The following ACAP2 variants were observed in gnomAD, a reference collection of about 807,000 sequenced individuals.
The protein encoded by ACAP2 is ArfGAP with coiled-coil, ankyrin repeat and PH domains 2, also known as arf-GAP with coiled-coil, ANK repeat and PH domain-containing protein 2.
Under a neutral mutation model 115.8 loss-of-function variants are expected in ACAP2, and 39 were observed. The observed-to-expected ratio is 0.34, with a 90% CI of 0.26 to 0.44. The LOEUF is 0.44. Among genes scored for constraint, ACAP2 ranks in the 20% least tolerant of loss-of-function variants. ACAP2 has a pLI of 1.00. For synonymous variants in ACAP2, 289 were observed against 315.8 expected (o/e 0.92, Z 0.90); for missense variants, 662 against 927.6 (o/e 0.71, Z 3.72).
intron 1 of ACAP2, chr3:195,441,926 T>A (rs1307702363): frequency 6.6e-6 from 1 of 152,278 alleles, no homozygotes; most frequent in East Asian, 1.9e-4. Context: ...AGTGCCCCCA[T>A]GTCAACTCTG....
chr3:195,369,883 T>C (rs1328011644), intron 4 of ACAP2, among the ~76,000 whole-genome samples: 1 of 152,218 alleles, frequency 6.6e-6, no homozygotes, highest in Non-Finnish European at 1.5e-5. Context: ...CAGCAGTGTA[T>C]AAGCAAGCAT....
intron 2 of ACAP2, among the ~76,000 whole-genome samples, chr3:195,385,037 A>C (rs1293206198): frequency 6.6e-6 from 1 of 152,000 alleles, no homozygotes; most frequent in African/African-American, 2.4e-5. Flanking sequence ...ACCTCAACAA[A>C]CTTCCATTTC....
At chr3:195,311,828 C>A (rs576569233) in intron 10 of ACAP2, among the ~76,000 whole-genome samples, 1 of 152,120 alleles carries the variant, frequency 6.6e-6, no homozygotes, top group South Asian at 2.1e-4. Flanking sequence ...TGAGCCACCG[C>A]GCCCTGCCAA....
At chr3:195,434,576 T>A (rs1231416185) in intron 1 of ACAP2, among the ~76,000 whole-genome samples, 1 of 152,192 alleles carries the variant, frequency 6.6e-6, no homozygotes, top group East Asian at 1.9e-4. Flanking sequence ...CTGGCTTTGG[T>A]AGCAGGATAA....
intron 3 of ACAP2, among the ~76,000 whole-genome samples, chr3:195,381,608 G>A (rs893543899): frequency 1.3e-5 from 2 of 152,106 alleles, no homozygotes; most frequent in Non-Finnish European, 2.9e-5. Flanking sequence ...TGATCTTCCT[G>A]CTCAGGCCCT....
At chr3:195,339,603 A>G (rs1369478484) in intron 6 of ACAP2, among the ~76,000 whole-genome samples, 5 of 151,810 alleles carry the variant, frequency 3.3e-5, no homozygotes, top group Admixed American at 2.0e-4. Flanking sequence ...TTGGATATCT[A>G]TTACTTACTA....
At chr3:195,437,404 G>A (rs1715627392) in intron 1 of ACAP2, among the ~76,000 whole-genome samples, 1 of 152,110 alleles carries the variant, frequency 6.6e-6, no homozygotes, top group Admixed American at 6.5e-5. Context: ...TCTCTTCCAG[G>A]ACCACCATGT....
chr3:195,311,600 G>A lies in ACAP2; in HGVS notation c.858-2763C>T, dbSNP rs576146508. On this transcript the variant is annotated intron_variant, in intron 10 of 22. Coordinates refer to ENST00000326793, the MANE Select transcript of ACAP2 (RefSeq NM_012287.6). Reference sequence around the variant, plus strand: ...TGCCCAGGTTGGAGTGCAATGGCACGATCTCGGCTCACTGCAACCTCCGCC... The same window carrying A: ...TGCCCAGGTTGGAGTGCAATGGCACAATCTCGGCTCACTGCAACCTCCGCC... Among the ~76,000 whole-genome samples the A allele has an allele frequency of 4.2e-4, 64 of 152,222 alleles. No individual in the cohort carries two copies. In the Middle Eastern group the frequency reaches 0.017, roughly 40 times the overall value.
chr3:195,324,623 G>A (rs938633747), intron 9 of ACAP2, among the ~76,000 whole-genome samples: 5 of 151,982 alleles, frequency 3.3e-5, no homozygotes, highest in African/African-American at 9.7e-5. Context: ...GCATGGTGGC[G>A]TGCAGCTGTA....
intron 2 of ACAP2, among the ~76,000 whole-genome samples, chr3:195,390,909 T>C (rs2108770332): frequency 6.6e-6 from 1 of 152,312 alleles, no homozygotes; most frequent in African/African-American, 2.4e-5. Context: ...GGAAGCTGTC[T>C]TACTCATTCT....
intron 5 of ACAP2, 43 bp downstream of exon 5, chr3:195,345,216 T>G (rs769350460): frequency 7.6e-7 from 1 of 1,315,508 alleles, no homozygotes; most frequent in African/African-American, 1.4e-5. Flanking sequence ...AGATTGATCA[T>G]TAACTAGTTA....
At chr3:195,432,153 A>G (rs574884714) in intron 1 of ACAP2, among the ~76,000 whole-genome samples, 13 of 152,314 alleles carry the variant, frequency 8.5e-5, no homozygotes, top group African/African-American at 2.9e-4. Context: ...ATGACTTTTA[A>G]TGTTCTGTGT....
At chr3:195,320,091 G>A (rs528749747) in intron 10 of ACAP2, among the ~76,000 whole-genome samples, 6 of 152,252 alleles carry the variant, frequency 3.9e-5, no homozygotes, top group East Asian at 1.9e-4. Context: ...GCTGCCTTGC[G>A]AAGAAGATGC....
chr3:195,294,609 T>TATATATATATATATA (rs1491478131), intron 18 of ACAP2, 110 bp downstream of exon 18: 1 of 36,838 alleles, frequency 2.7e-5, no homozygotes, highest in East Asian at 6.3e-4. Context: ...AAAAAAAAAA[T>TATATATATATATATA]TATATATATA....
chr3:195,288,750 A>C (rs1017324524), intron 21 of ACAP2, among the ~76,000 whole-genome samples: 5 of 151,912 alleles, frequency 3.3e-5, no homozygotes, highest in African/African-American at 4.8e-5. Flanking sequence ...CCCAGCGACT[A>C]GGGAGGCTGA....
chr3:195,376,162 G>C (rs944613953), intron 4 of ACAP2, among the ~76,000 whole-genome samples: 10 of 152,186 alleles, frequency 6.6e-5, no homozygotes, highest in African/African-American at 2.4e-4. Context: ...GGGAGGCCAA[G>C]GTGGGCCGAT....
chr3:195,442,933 G>T lies in ACAP2; in HGVS notation c.-86C>A. On this transcript the variant is annotated 5_prime_UTR_variant, in exon 1 of 23. Transcript: ENST00000326793. ...TGGGACGCAGACGGCTACGGCGGGC[G>T]CACGGCCGCGACTAGCGTTGCGCGG... is the stretch of plus-strand genomic sequence containing the variant. 7.9e-7 allele frequency: 1 copy of T among 1,261,274 alleles called. No homozygotes were observed. The highest frequency in any genetic ancestry group is 1.6e-5 in the South Asian group (1 of 61,480). 78.1% of individuals were successfully genotyped at this position (1,261,274 alleles called of 1,614,324 possible). A position where few individuals can be genotyped will look rare whatever the true frequency, so the allele number is the denominator to read the frequency against.
At chr3:195,388,499 G>C (rs1577398570) in intron 2 of ACAP2, among the ~76,000 whole-genome samples, 1 of 152,190 alleles carries the variant, frequency 6.6e-6, no homozygotes, top group East Asian at 1.9e-4. Flanking sequence ...TATAGGCAAA[G>C]TCAACAAGCT....
rs1726237426 is a variant in ACAP2, at chr3:195,277,871, C to G, written c.*1457G>C. 1 of 152,158 alleles carries G rather than the reference C, an allele frequency of 6.6e-6. No individual in the cohort carries two copies. The highest frequency in any genetic ancestry group is 2.1e-4 in the South Asian group (1 of 4,826). The allele number at this position is 152,158 out of a possible 1,614,324, so 9.4% of individuals were successfully genotyped here. A position where few individuals can be genotyped will look rare whatever the true frequency, so the allele number is the denominator to read the frequency against. On this transcript the variant is annotated 3_prime_UTR_variant, in exon 23 of 23. Coordinates refer to ENST00000326793, the MANE Select transcript of ACAP2 (RefSeq NM_012287.6). ...CTAAAGCAGGCTGATCACCTGAGGT[C>G]AGGAGTTCGAGACCAACCTGGCCAA... is the stretch of plus-strand genomic sequence containing the variant.
Sources: allele counts gnomAD v4.1 joint callset (sites outside exome capture counted in the v4.1 genomes callset), GRCh38; gene constraint gnomAD v4.1.1; transcripts MANE v1.5; gene names NCBI Gene and HGNC (gene_info 2026-07-23, HGNC 2026-07-21).